The following RASSF9 variants were observed in gnomAD, a reference collection of about 807,000 sequenced individuals.
The protein encoded by RASSF9 is Ras association domain family member 9.
In RASSF9, 18 loss-of-function variants were observed where a neutral mutation model predicts 21.4. That is an observed-to-expected ratio of 0.84 (90% confidence interval 0.58 to 1.25). The LOEUF (loss-of-function observed/expected upper bound fraction) is 1.25. Ranked by LOEUF, RASSF9 falls within the 50% of genes most tolerant of loss-of-function variation. RASSF9 has a pLI of 0.00. For synonymous variants in RASSF9, 183 were observed against 179.1 expected (o/e 1.02, Z -0.18); for missense variants, 480 against 503.2 (o/e 0.95, Z 0.44).
rs778888936 is a variant in RASSF9, at chr12:85,805,658, C to T, written c.352G>A (p.Asp118Asn). ...PNMQFVLVKA[D>N]AFLPVPLWRT... ...CACAAAGGAACTGGAAGAAAAGCAT[C>T]TGCTTTAACCAAAACAAATTGCATA... is the stretch of plus-strand genomic sequence containing the variant. Residue 118 changes from aspartate (D) to asparagine (N), a missense_variant, in exon 2 of 2, where the codon GAT (aspartate) becomes AAT (asparagine). Asp to Asn is a conservative substitution (Grantham distance 23). Transcript: ENST00000361228. 1.2e-6 allele frequency: 2 copies of T among 1,613,898 alleles called. No homozygotes were observed. Among genetic ancestry groups the T allele is most frequent in the East Asian group, 2.2e-5 (1 of 44,898 alleles).
In RASSF9 at chr12:85,824,555, A is replaced by T. The variant is rs191084028; in HGVS notation, c.47+11600T>A. On this transcript the variant is annotated intron_variant, in intron 1 of 1. Transcript: ENST00000361228. ...TTTAAACTGCAAATCTATTTTTTAA[A>T]TTTTTTTATTGAAATCTTTAAACTA... is the stretch of plus-strand genomic sequence containing the variant. Among the ~76,000 whole-genome samples the T allele has an allele frequency of 9.9e-4, 151 of 152,186 alleles. 2 individuals carry two copies. The highest frequency in any genetic ancestry group is 3.3e-3 in the African/African-American group (137 of 41,522).
intron 1 of RASSF9, among the ~76,000 whole-genome samples, chr12:85,829,951 G>A (rs565883383): frequency 7.2e-5 from 11 of 152,226 alleles, no homozygotes; most frequent in African/African-American, 2.6e-4. Context: ...TTCTCAATTA[G>A]GAGTTTAATC....
chr12:85,832,745 CA>C (rs557568928), intron 1 of RASSF9, among the ~76,000 whole-genome samples: 198 of 151,888 alleles, frequency 1.3e-3, no homozygotes, highest in Non-Finnish European at 2.1e-3. Flanking sequence ...TCATGTTGAA[CA>C]AAAAGTCTGA....
In RASSF9 at chr12:85,802,920, CTT is replaced by C. The variant is rs1451869377; in HGVS notation, c.*1780_*1781del. 6.6e-6 allele frequency: 1 copy of C among 152,090 alleles called. No individual in the cohort carries two copies. Among genetic ancestry groups the C allele is most frequent in the Non-Finnish European group, 1.5e-5 (1 of 67,982 alleles). The allele number at this position is 152,090 out of a possible 1,614,324, so 9.4% of individuals were successfully genotyped here. Reference sequence around the variant, plus strand: ...TGTAACCGATGCCAGAATTATTACTCTTTATCACTGTATTTTTCCATAGAATG... The same window carrying C: ...TGTAACCGATGCCAGAATTATTACTCTATCACTGTATTTTTCCATAGAATG... On this transcript the variant is annotated 3_prime_UTR_variant, in exon 2 of 2. Transcript: ENST00000361228.
chr12:85,816,894 G>A (rs1334384169), intron 1 of RASSF9, among the ~76,000 whole-genome samples: 1 of 152,100 alleles, frequency 6.6e-6, no homozygotes, highest in African/African-American at 2.4e-5. Context: ...AACCTCACCA[G>A]CTCACTGTAT....
intron 1 of RASSF9, among the ~76,000 whole-genome samples, chr12:85,826,424 A>T: frequency 6.8e-6 from 1 of 147,100 alleles, no homozygotes; most frequent in African/African-American, 2.5e-5. Context: ...GCCCACTCGT[A>T]TTCTTTCTCC....
intron 1 of RASSF9, among the ~76,000 whole-genome samples, chr12:85,822,078 C>T (rs1459306134): frequency 6.6e-6 from 1 of 152,072 alleles, no homozygotes; most frequent in Non-Finnish European, 1.5e-5. Flanking sequence ...AAAAAAAGTG[C>T]TTATTAAAAG....
intron 1 of RASSF9, among the ~76,000 whole-genome samples, chr12:85,812,394 A>G (rs139817541): frequency 1.8e-4 from 28 of 151,448 alleles, no homozygotes; most frequent in African/African-American, 6.5e-4. Context: ...GAAAATTATT[A>G]ATATATACAC....
intron 1 of RASSF9, among the ~76,000 whole-genome samples, chr12:85,831,707 T>C (rs1381864563): frequency 6.6e-6 from 1 of 151,914 alleles, no homozygotes; most frequent in Non-Finnish European, 1.5e-5. Flanking sequence ...ATAAACAAAA[T>C]AGTGCATAAT....
chr12:85,807,398 C>T (rs1592526912), intron 1 of RASSF9, among the ~76,000 whole-genome samples: 1 of 152,060 alleles, frequency 6.6e-6, no homozygotes, highest in Non-Finnish European at 1.5e-5. Context: ...TTAGCTAACA[C>T]CTTCCTAAGC....
intron 1 of RASSF9, among the ~76,000 whole-genome samples, chr12:85,809,605 C>G (rs1879906833): frequency 6.6e-6 from 1 of 151,858 alleles, no homozygotes; most frequent in Non-Finnish European, 1.5e-5. Context: ...CATCCCTACA[C>G]TAGAGCTCTG....
At chr12:85,826,447 A>ATT (rs560187497) in intron 1 of RASSF9, among the ~76,000 whole-genome samples, 8,401 of 130,614 alleles carry the variant, frequency 0.064, 395 homozygotes, top group Middle Eastern at 0.17. Context: ...TCCTTCCAAT[A>ATT]TTTTTTTTTT....
rs1363828358 is a variant in RASSF9 at position 85,805,426 on chromosome 12, T to C, written c.584A>G (p.His195Arg). 6.2e-7 allele frequency: 1 copy of C among 1,613,938 alleles called. No homozygotes were observed. The highest frequency in any genetic ancestry group is 2.2e-5 in the East Asian group (1 of 44,878). ...TLVHLIISQDHTIHQQVKRMK... is the reference protein window; with the variant it reads ...TLVHLIISQDRTIHQQVKRMK... ...TCTCTTGACTTGCTGATGAATAGTA[T>C]GGTCCTGGGAAATGATCAGATGAAC... Residue 195 changes from histidine to arginine, a missense_variant, in exon 2 of 2, where the codon CAT becomes CGT. Transcript: ENST00000361228.
rs1879714967 is a variant in RASSF9, at chr12:85,801,940, A to G, written c.*2762T>C. Reference sequence around the variant, plus strand: ...CTCTAAAATATTTCTGGGTTCAGAGATGAGATTCCAACTAATTGAATGGAA... The same window carrying G: ...CTCTAAAATATTTCTGGGTTCAGAGGTGAGATTCCAACTAATTGAATGGAA... On this transcript the variant is annotated 3_prime_UTR_variant, in exon 2 of 2. Transcript: ENST00000361228. 6.6e-6 allele frequency: 1 copy of G among 152,288 alleles called. No individual in the cohort carries two copies. Among genetic ancestry groups the G allele is most frequent in the South Asian group, 2.1e-4 (1 of 4,838 alleles). 9.4% of individuals were successfully genotyped at this position (152,288 alleles called of 1,614,324 possible).
chr12:85,818,683 G>A (rs965531943), intron 1 of RASSF9, among the ~76,000 whole-genome samples: 1 of 152,048 alleles, frequency 6.6e-6, no homozygotes. Flanking sequence ...AAAACTTGCC[G>A]GGCGTGGTGG....
Position 85,804,425 on chromosome 12 carries a change from A to G in RASSF9, c.*277T>C, listed in dbSNP as rs1879768898. 3.0e-6 allele frequency: 1 copy of G among 332,256 alleles called. No homozygotes were observed. Among genetic ancestry groups the G allele is most frequent in the East Asian group, 5.0e-5 (1 of 20,142 alleles). The allele number at this position is 332,256 out of a possible 1,614,324, so 20.6% of individuals were successfully genotyped here. On this transcript the variant is annotated 3_prime_UTR_variant, in exon 2 of 2. Coordinates refer to ENST00000361228, the MANE Select transcript of RASSF9 (RefSeq NM_005447.4). ...AATCGTTTTCCACAGACGCTAAGGAAGATTATCATATGATTCCCATCAAAT... is the reference window on the plus strand; with the variant it reads ...AATCGTTTTCCACAGACGCTAAGGAGGATTATCATATGATTCCCATCAAAT...
intron 1 of RASSF9, among the ~76,000 whole-genome samples, chr12:85,833,649 T>C (rs1406871031): frequency 1.8e-4 from 27 of 152,002 alleles, no homozygotes; most frequent in Admixed American, 1.8e-3. Context: ...CTCAAAATTT[T>C]ATGATCTTTA....
Position 85,804,865 on chromosome 12 carries a change from G to C in RASSF9, c.1145C>G (p.Ala382Gly). The change falls in exon 2 of 2, where the codon GCG becomes GGG. Residue 382 changes from alanine (A) to glycine (G), a missense_variant. Physicochemically the swap from Ala to Gly is moderately conservative, Grantham distance 60. Coordinates refer to ENST00000361228, the MANE Select transcript of RASSF9 (RefSeq NM_005447.4). ...GCTACTGGGAACCTCAGATTCCTTC[G>C]CTCTGTTTTCCTTTAACTGGCACCC... ...KDGCQLKENR[A>G]KESEVPSSNG... is the part of the protein sequence containing the mutation. The C allele has an allele frequency of 1.2e-6, 2 of 1,613,538 alleles. No individual in the cohort carries two copies. The highest frequency in any genetic ancestry group is 1.7e-6 in the Non-Finnish European group (2 of 1,179,488).
At position 85,802,675 on chromosome 12, in the gene RASSF9, G is replaced by C. The variant is rs1471115783; in HGVS notation, c.*2027C>G. 6.6e-6 allele frequency: 1 copy of C among 152,054 alleles called. No homozygotes were observed. The highest frequency in any genetic ancestry group is 1.5e-5 in the Non-Finnish European group (1 of 67,960). The allele number at this position is 152,054 out of a possible 1,614,324, so 9.4% of individuals were successfully genotyped here. On this transcript the variant is annotated 3_prime_UTR_variant, in exon 2 of 2. Transcript: ENST00000361228. ...TCAAATAGATAAGCATGTTCTTTCA[G>C]TATTTTCTCACTAAAGATAAGAATA...
Sources: gnomAD v4.1 joint callset for allele counts (sites outside exome capture counted in the v4.1 genomes callset) on GRCh38, gnomAD v4.1.1 for gene constraint, MANE v1.5 for transcripts, NCBI Gene and HGNC (gene_info 2026-07-23, HGNC 2026-07-21) for gene names.